Variants in DPP10 observed in about 807,000 individuals in gnomAD.
DPP10 encodes inactive dipeptidyl peptidase 10.
DPP10 carries 33 observed loss-of-function variants against 120.9 expected under a neutral mutation model. The observed-to-expected ratio is 0.27, with a 90% CI of 0.21 to 0.37. DPP10 has a LOEUF of 0.37. Ranked by LOEUF, DPP10 falls within the 10% of genes least tolerant of loss-of-function variation. DPP10 has a pLI of 1.00. For synonymous variants in DPP10, 337 were observed against 326.1 expected (o/e 1.03, Z -0.36); for missense variants, 816 against 942.8 (o/e 0.87, Z 1.76).
At chr2:115,345,523 G>A (rs1462001161) in intron 3 of DPP10, among the ~76,000 whole-genome samples, 2 of 152,062 alleles carry the variant, frequency 1.3e-5, no homozygotes, top group Non-Finnish European at 2.9e-5. Flanking sequence ...TTAAACAGTA[G>A]TATTATGAGT....
intron 3 of DPP10, among the ~76,000 whole-genome samples, chr2:115,491,454 G>A (rs1383929327): frequency 6.6e-6 from 1 of 152,148 alleles, no homozygotes; most frequent in Admixed American, 6.6e-5. Flanking sequence ...CAGACTGTGA[G>A]TATATATTTG....
At chr2:115,488,945 C>CA (rs1425214950) in intron 3 of DPP10, among the ~76,000 whole-genome samples, 5 of 143,656 alleles carry the variant, frequency 3.5e-5, no homozygotes, top group Admixed American at 1.4e-4. Context: ...AACAAAGAAA[C>CA]AAAAAACATA....
At chr2:114,676,565 C>A (rs566247180) in intron 1 of DPP10, among the ~76,000 whole-genome samples, 1 of 152,020 alleles carries the variant, frequency 6.6e-6, no homozygotes, top group South Asian at 2.1e-4. Context: ...AATGTCTAGA[C>A]CAGTGCTTCT....
At chr2:115,606,037 C>A (rs1426828478) in intron 5 of DPP10, among the ~76,000 whole-genome samples, 3 of 151,994 alleles carry the variant, frequency 2.0e-5, no homozygotes, top group Non-Finnish European at 4.4e-5. Flanking sequence ...GCTCTCTAGC[C>A]AAATTTAAAT....
chr2:115,334,230 G>GGTTTTTTTTTT (rs1553554643), intron 2 of DPP10, among the ~76,000 whole-genome samples: 2 of 56,410 alleles, frequency 3.5e-5, no homozygotes, highest in African/African-American at 9.8e-5. Flanking sequence ...AGCAGACTCT[G>GGTTTTTTTTTT]TTTTTTTTTT....
intron 1 of DPP10, among the ~76,000 whole-genome samples, chr2:114,841,738 C>T (rs1269228472): frequency 2.0e-5 from 3 of 151,998 alleles, no homozygotes; most frequent in Non-Finnish European, 2.9e-5. Flanking sequence ...TGAACTTACC[C>T]AGCACAGGAT....
chr2:115,003,823 C>G (rs1001846451), intron 1 of DPP10, among the ~76,000 whole-genome samples: 1 of 151,892 alleles, frequency 6.6e-6, no homozygotes, highest in Non-Finnish European at 1.5e-5. Context: ...AACCTATTGA[C>G]TTGATTTATT....
chr2:115,201,567 C>G (rs1251728032), intron 1 of DPP10, among the ~76,000 whole-genome samples: 1 of 152,190 alleles, frequency 6.6e-6, no homozygotes, highest in Non-Finnish European at 1.5e-5. Context: ...AAGCCTTAAA[C>G]TAGGACCTAC....
intron 1 of DPP10, among the ~76,000 whole-genome samples, chr2:115,034,158 G>A (rs1704056200): frequency 1.3e-5 from 2 of 151,960 alleles, no homozygotes; most frequent in Admixed American, 1.3e-4. Context: ...GCCTCCCAGA[G>A]TGCTGGGATT....
intron 1 of DPP10, among the ~76,000 whole-genome samples, chr2:114,834,880 A>C (rs184100397): frequency 2.5e-4 from 35 of 137,922 alleles, no homozygotes; most frequent in South Asian, 4.2e-4. Context: ...ACATATCTAC[A>C]CAACTATGTA....
At chr2:115,700,231 C>A (rs2091825534) in intron 7 of DPP10, among the ~76,000 whole-genome samples, 1 of 152,178 alleles carries the variant, frequency 6.6e-6, no homozygotes, top group Non-Finnish European at 1.5e-5. Context: ...CAGGCCCCTC[C>A]TCCAACTTTG....
intron 5 of DPP10, among the ~76,000 whole-genome samples, chr2:115,658,572 G>A (rs2088612815): frequency 6.6e-6 from 1 of 152,060 alleles, no homozygotes; most frequent in African/African-American, 2.4e-5. Flanking sequence ...AATAATTGAT[G>A]CTGATTGAAT....
At chr2:114,922,665 C>T (rs770139365) in intron 1 of DPP10, among the ~76,000 whole-genome samples, 2 of 152,136 alleles carry the variant, frequency 1.3e-5, no homozygotes, top group African/African-American at 2.4e-5. Context: ...GTGACTGGCT[C>T]TTTCACTTAG....
At chr2:115,386,562 C>A (rs138881511) in intron 3 of DPP10, among the ~76,000 whole-genome samples, 8 of 152,208 alleles carry the variant, frequency 5.3e-5, no homozygotes, top group African/African-American at 1.7e-4. Flanking sequence ...AGGAAACTAA[C>A]CATAGATAAT....
chr2:115,842,107 A>T (rs1690209742), intron 25 of DPP10, 104 bp from the exon 26 acceptor site: 1 of 1,218,372 alleles, frequency 8.2e-7, no homozygotes, highest in Admixed American at 2.8e-5. Context: ...TTTTGGTCAG[A>T]TATTATTACT....
chr2:114,605,802 C>T (rs1271321411), intron 1 of DPP10, among the ~76,000 whole-genome samples: 1 of 152,064 alleles, frequency 6.6e-6, no homozygotes, highest in Non-Finnish European at 1.5e-5. Flanking sequence ...AATAAAGTAG[C>T]AAGTAAGGAA....
intron 1 of DPP10, chr2:115,050,114 A>G (rs1705362084): frequency 6.6e-6 from 1 of 152,206 alleles, no homozygotes; most frequent in South Asian, 2.1e-4. Context: ...TAGGCAAACA[A>G]CAACAAAAAT....
chr2:114,599,697 C>T (rs1470855837), intron 1 of DPP10, among the ~76,000 whole-genome samples: 1 of 151,696 alleles, frequency 6.6e-6, no homozygotes, highest in Non-Finnish European at 1.5e-5. Context: ...TGTGAACGTA[C>T]ACCTTGTATA....
At chr2:114,898,247 G>A (rs993377134) in intron 1 of DPP10, among the ~76,000 whole-genome samples, 8 of 149,422 alleles carry the variant, frequency 5.4e-5, no homozygotes, top group African/African-American at 2.0e-4. Flanking sequence ...CTATCGCAAG[G>A]ACAAAAAACC....
Sources: gnomAD v4.1 joint callset for allele counts (sites outside exome capture counted in the v4.1 genomes callset) on GRCh38, gnomAD v4.1.1 for gene constraint, MANE v1.5 for transcripts, NCBI Gene and HGNC (gene_info 2026-07-23, HGNC 2026-07-21) for gene names.